Variants in NRXN1 observed in about 807,000 individuals in gnomAD.
NRXN1 encodes neurexin 1.
In NRXN1, 39 loss-of-function variants were observed where a neutral mutation model predicts 150.9. The observed-to-expected ratio is 0.26, with a 90% CI of 0.20 to 0.34. The LOEUF (loss-of-function observed/expected upper bound fraction) is 0.34. Among genes scored for constraint, NRXN1 ranks in the 10% least tolerant of loss-of-function variants. The probability of loss-of-function intolerance (pLI) is 1.00; values close to 1 mark genes in which losing one functional copy is unlikely to be tolerated. For synonymous variants in NRXN1, 924 were observed against 757.0 expected (o/e 1.22, Z -3.62); for missense variants, 1,815 against 1,949.9 (o/e 0.93, Z 1.30).
At chr2:49,983,079 G>A (rs1292268490) in intron 21 of NRXN1, among the ~76,000 whole-genome samples, 1 of 152,056 alleles carries the variant, frequency 6.6e-6, no homozygotes, top group Non-Finnish European at 1.5e-5. Flanking sequence ...ATTCTTTCTT[G>A]CAGCCTTTCC....
intron 5 of NRXN1, chr2:50,829,343 C>A: frequency 2.7e-6 from 2 of 749,418 alleles, no homozygotes; most frequent in Admixed American, 4.8e-5. Context: ...TTGATCAGGA[C>A]AGTCAAACTC....
intron 17 of NRXN1, among the ~76,000 whole-genome samples, chr2:50,444,485 T>C (rs559456379): frequency 3.3e-5 from 5 of 152,208 alleles, no homozygotes; most frequent in Admixed American, 2.6e-4. Context: ...AGTCATAGGA[T>C]TTATGCATTA....
chr2:50,881,303 G>T (rs767725138), intron 5 of NRXN1, among the ~76,000 whole-genome samples: 15 of 151,840 alleles, frequency 9.9e-5, no homozygotes, highest in Non-Finnish European at 2.1e-4. Context: ...AAGGGTATTT[G>T]ATGCTAATGT....
intron 17 of NRXN1, among the ~76,000 whole-genome samples, chr2:50,426,714 G>A (rs946708673): frequency 6.6e-6 from 1 of 152,062 alleles, no homozygotes; most frequent in Non-Finnish European, 1.5e-5. Flanking sequence ...AAATTTCACT[G>A]CAAATTCAGT....
At chr2:50,325,373 G>GC (rs1352232627) in intron 17 of NRXN1, among the ~76,000 whole-genome samples, 1 of 152,154 alleles carries the variant, frequency 6.6e-6, no homozygotes, top group Non-Finnish European at 1.5e-5. Context: ...AGTTTGTCAT[G>GC]CCCCCCACCA....
At chr2:50,379,746 A>T (rs1475126727) in intron 17 of NRXN1, among the ~76,000 whole-genome samples, 1 of 152,202 alleles carries the variant, frequency 6.6e-6, no homozygotes, top group Non-Finnish European at 1.5e-5. Flanking sequence ...CTCCACAAAC[A>T]GTGTAACTAA....
intron 5 of NRXN1, among the ~76,000 whole-genome samples, chr2:50,859,772 A>G (rs1191022606): frequency 6.6e-6 from 1 of 151,936 alleles, no homozygotes; most frequent in African/African-American, 2.4e-5. Flanking sequence ...AATTATAAAT[A>G]TAAATATATA....
chr2:50,677,273 G>GT (rs1226400172), intron 5 of NRXN1, among the ~76,000 whole-genome samples: 3 of 152,122 alleles, frequency 2.0e-5, no homozygotes, highest in Non-Finnish European at 2.9e-5. Flanking sequence ...ATTTTAATGA[G>GT]TTTTCAATGG....
intron 2 of NRXN1, among the ~76,000 whole-genome samples, chr2:50,926,514 A>G (rs924437668): frequency 6.6e-6 from 1 of 151,938 alleles, no homozygotes; most frequent in Non-Finnish European, 1.5e-5. Context: ...TAAAATCTGC[A>G]ATTTATTTGG....
chr2:50,936,927 T>C (rs183835478), intron 2 of NRXN1, among the ~76,000 whole-genome samples: 8 of 152,218 alleles, frequency 5.3e-5, no homozygotes, highest in East Asian at 1.9e-4. Context: ...CTACGAATCA[T>C]TGGAGAATCT....
Position 49,921,746 on chromosome 2 carries a change from TTTG to T in NRXN1, c.*195_*197del. ...TTAGGGAATTTATTGGCCCCTGTTT[TTTG>T]TTTTTTGTTTTTCTTTTTTGAGAAA... On this transcript the variant is annotated 3_prime_UTR_variant, in exon 23 of 23. Transcript: ENST00000401669. The T allele has an allele frequency of 1.7e-6, 1 of 594,170 alleles. No homozygotes were observed. Among genetic ancestry groups the T allele is most frequent in the Non-Finnish European group, 2.9e-6 (1 of 346,634 alleles). The allele number at this position is 594,170 out of a possible 1,614,324, so 36.8% of individuals were successfully genotyped here.
Position 50,055,043 on chromosome 2 carries a change from T to C in NRXN1, c.3720A>G (p.Gly1240=), listed in dbSNP as rs1490519553. The change falls in exon 20 of 23, where the codon GGA becomes GGG. Residue 1240 remains glycine, a splice_region_variant and synonymous_variant. Transcript: ENST00000401669. ...SWPVIERYPA[G]NNDNERLAIA... The stretch of plus-strand genomic sequence containing the variant: ...TCGCCAGGCGCTCGTTATCATTGTT[T>C]CCTTTAAAGTTTAAAGAGACATTTC... 1.9e-6 allele frequency: 3 copies of C among 1,590,188 alleles called. No individual in the cohort carries two copies. In the African/African-American group the frequency reaches 4.0e-5, roughly 21 times the overall value.
chr2:50,389,866 A>ATGGAACT (rs1457482372), intron 17 of NRXN1, among the ~76,000 whole-genome samples: 1 of 152,138 alleles, frequency 6.6e-6, no homozygotes, highest in East Asian at 1.9e-4. Flanking sequence ...TCATATTCAA[A>ATGGAACT]TGGAACTTTA....
intron 17 of NRXN1, among the ~76,000 whole-genome samples, chr2:50,272,117 A>T (rs927267197): frequency 1.3e-5 from 2 of 152,192 alleles, no homozygotes; most frequent in African/African-American, 4.8e-5. Context: ...AGCAGGTCTG[A>T]CTCAGAGAAC....
intron 17 of NRXN1, among the ~76,000 whole-genome samples, chr2:50,329,682 TTTC>T (rs2076703040): frequency 1.1e-5 from 1 of 93,080 alleles, no homozygotes; most frequent in African/African-American, 4.1e-5. Context: ...TATTTTTTTT[TTTC>T]CCCCCCGAGA....
At chr2:50,871,356 C>T (rs1227131337) in intron 5 of NRXN1, among the ~76,000 whole-genome samples, 1 of 151,768 alleles carries the variant, frequency 6.6e-6, no homozygotes, top group Non-Finnish European at 1.5e-5. Context: ...AATTAGCTGA[C>T]AATTATATGA....
intron 5 of NRXN1, among the ~76,000 whole-genome samples, chr2:50,853,501 T>A (rs746858816): frequency 3.3e-5 from 5 of 152,132 alleles, no homozygotes; most frequent in Non-Finnish European, 5.9e-5. Context: ...GAGATAGTAC[T>A]GGAAATTATT....
intron 2 of NRXN1, chr2:50,979,381 C>T: frequency 2.3e-6 from 1 of 437,926 alleles, no homozygotes; most frequent in South Asian, 1.7e-5. Flanking sequence ...TGGAAACTTG[C>T]CAGTTTTCAG....
At chr2:50,722,939 T>C (rs908281555) in intron 5 of NRXN1, among the ~76,000 whole-genome samples, 1 of 152,128 alleles carries the variant, frequency 6.6e-6, no homozygotes, top group Non-Finnish European at 1.5e-5. Context: ...ACTCCTCCTT[T>C]GTAATTTTAA....
Sources: allele counts gnomAD v4.1 joint callset (sites outside exome capture counted in the v4.1 genomes callset), GRCh38; gene constraint gnomAD v4.1.1; transcripts MANE v1.5; gene names NCBI Gene and HGNC (gene_info 2026-07-23, HGNC 2026-07-21).